JADE3: variants seen among roughly 807,000 people sequenced by gnomAD.
JADE3 encodes the protein jade family PHD finger 3.
A neutral mutation model predicts 50.1 loss-of-function variants in JADE3; 2 were observed. That is an observed-to-expected ratio of 0.04 (90% CI 0.02 to 0.13). JADE3 has a LOEUF of 0.13. Among genes scored for constraint, JADE3 ranks in the 10% least tolerant of loss-of-function variants. The probability of loss-of-function intolerance (pLI) is 1.00; values close to 1 mark genes in which losing one functional copy is unlikely to be tolerated. For missense variants in JADE3, 475 were observed against 634.4 expected (o/e 0.75, Z 2.70); for synonymous variants, 218 against 232.9 (o/e 0.94, Z 0.58).
At chrX:47,049,201 T>TTC (rs1220728106) in intron 8 of JADE3, among the ~76,000 whole-genome samples, 1 of 102,214 alleles carries the variant, frequency 9.8e-6, no homozygotes, top group African/African-American at 3.6e-5. Context: ...TTTTTTTTTT[T>TTC]CCCTGAGACT....
intron 4 of JADE3, among the ~76,000 whole-genome samples, chrX:47,013,450 G>A (rs1246961527): frequency 8.9e-6 from 1 of 111,850 alleles, no homozygotes; most frequent in Non-Finnish European, 1.9e-5. Context: ...AAAGTTAATG[G>A]AATAATGGAA....
At chrX:46,933,742 A>T (rs1202997743) in intron 1 of JADE3, among the ~76,000 whole-genome samples, 1 of 111,807 alleles carries the variant, frequency 8.9e-6, no homozygotes, top group Non-Finnish European at 1.9e-5. Flanking sequence ...CCTGGTGATT[A>T]TTTAAAAACA....
At chrX:46,941,077 C>T (rs1556342148) in intron 1 of JADE3, among the ~76,000 whole-genome samples, 1 of 109,711 alleles carries the variant, frequency 9.1e-6, no homozygotes, top group Non-Finnish European at 1.9e-5. Context: ...AGTGTTTCAG[C>T]CCTTCCTCTT....
At chrX:47,011,296 A>G (rs1928559886) in intron 4 of JADE3, among the ~76,000 whole-genome samples, 1 of 112,424 alleles carries the variant, frequency 8.9e-6, no homozygotes, top group African/African-American at 3.2e-5. Flanking sequence ...TTGGAAGTTC[A>G]TCCGTGTTAT....
At chrX:46,945,160 A>G (rs781883490) in intron 1 of JADE3, among the ~76,000 whole-genome samples, 8 of 109,612 alleles carry the variant, frequency 7.3e-5, no homozygotes, top group South Asian at 4.0e-4. Flanking sequence ...TTTTATAGCT[A>G]TTCACTCTTG....
chrX:46,993,085 C>T (rs1928053291), intron 3 of JADE3, among the ~76,000 whole-genome samples: 1 of 111,520 alleles, frequency 9.0e-6, no homozygotes, highest in Non-Finnish European at 1.9e-5. Flanking sequence ...GCCTATAATC[C>T]CAGCACTTTG....
intron 8 of JADE3, among the ~76,000 whole-genome samples, chrX:47,041,672 G>GC (rs1929259550): frequency 9.1e-6 from 1 of 109,804 alleles, no homozygotes. Context: ...ACAGGCATGA[G>GC]CACTGTGCTC....
At chrX:47,040,066 G>A (rs951011342) in intron 8 of JADE3, among the ~76,000 whole-genome samples, 7 of 112,063 alleles carry the variant, frequency 6.2e-5, no homozygotes, top group Non-Finnish European at 1.3e-4. Flanking sequence ...AGGCACAAAG[G>A]TTGCTTTCTC....
intron 3 of JADE3, among the ~76,000 whole-genome samples, chrX:46,997,490 C>T (rs1237632902): frequency 9.0e-6 from 1 of 111,561 alleles, no homozygotes; most frequent in African/African-American, 3.3e-5. Context: ...CGCACTCCAG[C>T]CTAGGTAACA....
intron 1 of JADE3, among the ~76,000 whole-genome samples, chrX:46,938,454 C>T (rs1926682561): frequency 9.0e-6 from 1 of 111,396 alleles, no homozygotes; most frequent in African/African-American, 3.3e-5. Flanking sequence ...CCTATAGGTC[C>T]CTTTATCCTC....
chrX:47,055,565 G>A, intron 9 of JADE3, among the ~76,000 whole-genome samples: 1 of 112,232 alleles, frequency 8.9e-6, no homozygotes, highest in South Asian at 3.6e-4. Flanking sequence ...GAAAGTTTGT[G>A]TAACTTGCCT....
intron 7 of JADE3, among the ~76,000 whole-genome samples, chrX:47,037,962 C>G (rs1439932437): frequency 9.0e-6 from 1 of 111,198 alleles, no homozygotes; most frequent in African/African-American, 3.3e-5. Flanking sequence ...TTCCCACCCT[C>G]TGGTAACCAT....
Position 47,034,766 on chromosome X carries a change from A to ATT in JADE3, c.855+995_855+996dup, listed in dbSNP as rs59276816. ...AGGTGCCCGCCACCATGCCTGGCTA[A>ATT]TTTTTTTTTTTTTTTTTTGGTATTT... is the stretch of plus-strand genomic sequence containing the variant. On this transcript the variant is annotated intron_variant, in intron 7 of 10. Transcript: ENST00000614628. Among the ~76,000 whole-genome samples, 282 of 89,081 alleles carry ATT rather than the reference A, an allele frequency of 3.2e-3. 2 individuals are homozygous for ATT. The highest frequency in any genetic ancestry group is 9.2e-3 in the African/African-American group (220 of 24,001). The allele number at this position is 89,081 out of a possible 115,157, so 77.4% of individuals were successfully genotyped here. A position where few individuals can be genotyped will look rare whatever the true frequency, so the allele number is the denominator to read the frequency against.
intron 4 of JADE3, among the ~76,000 whole-genome samples, chrX:47,005,918 C>A (rs1431014284): frequency 1.8e-5 from 2 of 111,400 alleles, no homozygotes; most frequent in African/African-American, 6.5e-5. Context: ...TGCCCCCAAC[C>A]CTGATCTCCA....
chrX:47,010,981 G>A lies in JADE3; in HGVS notation c.284+12704G>A, dbSNP rs7888832. 3.1e-3 allele frequency among the ~76,000 whole-genome samples: 348 copies of A among 111,509 alleles called. 1 individual carries two copies. Among genetic ancestry groups the A allele is most frequent in the African/African-American group, 0.011 (330 of 30,727 alleles). On this transcript the variant is annotated intron_variant, in intron 4 of 10. Coordinates refer to ENST00000614628, the MANE Select transcript of JADE3 (RefSeq NM_014735.5). ...TCCTCACATGGCCTTTCTTCTGTAC[G>A]TGCACAGTTTGTGGGGGTGGAGCTC...
At chrX:46,995,900 G>T (rs1928117465) in intron 3 of JADE3, among the ~76,000 whole-genome samples, 1 of 111,991 alleles carries the variant, frequency 8.9e-6, no homozygotes, top group African/African-American at 3.2e-5. Context: ...TTGAAATCAG[G>T]CTTATCATAT....
chrX:46,941,131 T>G (rs1556342169), intron 1 of JADE3, among the ~76,000 whole-genome samples: 3 of 110,010 alleles, frequency 2.7e-5, no homozygotes, highest in African/African-American at 9.9e-5. Context: ...TGTCTGTGTG[T>G]ACCCAGTGTT....
chrX:46,928,995 A>G (rs1374454221), intron 1 of JADE3, among the ~76,000 whole-genome samples: 3 of 112,093 alleles, frequency 2.7e-5, no homozygotes, highest in African/African-American at 9.7e-5. Context: ...CAGATTGTCA[A>G]AACTGCTGCT....
At chrX:46,994,361 C>A in intron 3 of JADE3, among the ~76,000 whole-genome samples, 1 of 111,808 alleles carries the variant, frequency 8.9e-6, no homozygotes, top group Non-Finnish European at 1.9e-5. Flanking sequence ...CCAGTGAATC[C>A]CCTCTTTGAC....
Sources: allele counts gnomAD v4.1 joint callset (sites outside exome capture counted in the v4.1 genomes callset), GRCh38; gene constraint gnomAD v4.1.1; transcripts MANE v1.5; gene names NCBI Gene and HGNC (gene_info 2026-07-23, HGNC 2026-07-21).